The following UBN2 variants were observed in gnomAD, a reference collection of about 807,000 sequenced individuals.
UBN2 encodes the protein ubinuclein-2.
Under a neutral mutation model 120.2 loss-of-function variants are expected in UBN2, and 35 were observed. The observed-to-expected ratio is 0.29, with a 90% CI of 0.22 to 0.39. The LOEUF is 0.39. Ranked by LOEUF, UBN2 falls within the 10% of genes least tolerant of loss-of-function variation. The pLI is 1.00. For missense variants in UBN2, 1,693 were observed against 1,663.2 expected (o/e 1.02, Z -0.31); for synonymous variants, 661 against 648.7 (o/e 1.02, Z -0.29).
intron 13 of UBN2, 103 bp downstream of exon 13, chr7:139,279,463 A>T: frequency 1.2e-6 from 1 of 808,020 alleles, no homozygotes; most frequent in Non-Finnish European, 2.0e-6. Context: ...GTCAGTAGGC[A>T]CTATAAGATA....
chr7:139,327,213 A>G, the UBN2 span, among the ~76,000 whole-genome samples: 1 of 152,030 alleles, frequency 6.6e-6, no homozygotes, highest in Non-Finnish European at 1.5e-5. Flanking sequence ...TTGTATTTTC[A>G]GTAGAGACAG....
At chr7:139,312,984 T>TC (rs1268498208), downstream of UBN2, among the ~76,000 whole-genome samples, 21 of 152,292 alleles carry the variant, frequency 1.4e-4, no homozygotes, top group Non-Finnish European at 2.9e-5. Context: ...TGGGCTCTGT[T>TC]CCATTGTTCT....
At chr7:139,287,790 A>G (rs951958520) in intron 15 of UBN2, among the ~76,000 whole-genome samples, 1 of 151,288 alleles carries the variant, frequency 6.6e-6, no homozygotes, top group Non-Finnish European at 1.5e-5. Flanking sequence ...CGTCTCAATA[A>G]AGTCTTACCA....
chr7:139,286,281 C>A (rs748569975), intron 15 of UBN2, among the ~76,000 whole-genome samples: 16 of 152,106 alleles, frequency 1.1e-4, no homozygotes, highest in Non-Finnish European at 1.3e-4. Context: ...CTGGGCTGGT[C>A]TCAAACTCCT....
intron 2 of UBN2, among the ~76,000 whole-genome samples, chr7:139,239,977 A>G (rs1234127337): frequency 6.6e-6 from 1 of 152,224 alleles, no homozygotes; most frequent in Non-Finnish European, 1.5e-5. Flanking sequence ...GCACTACCTT[A>G]AAGTTAGCAT....
At chr7:139,269,749 G>A (rs1225359648) in intron 8 of UBN2, among the ~76,000 whole-genome samples, 1 of 152,110 alleles carries the variant, frequency 6.6e-6, no homozygotes, top group Non-Finnish European at 1.5e-5. Flanking sequence ...ATTGTTGGAT[G>A]TAAGTTAATA....
chr7:139,261,952 T>C (rs1384105763), intron 6 of UBN2, among the ~76,000 whole-genome samples: 4 of 149,792 alleles, frequency 2.7e-5, no homozygotes, highest in Non-Finnish European at 6.0e-5. Flanking sequence ...TTCTTTCTTT[T>C]TTTTTTTTTT....
the UBN2 span, among the ~76,000 whole-genome samples, chr7:139,328,454 C>T: frequency 1.3e-5 from 2 of 152,172 alleles, no homozygotes; most frequent in South Asian, 2.1e-4. Flanking sequence ...GGTGGGGACA[C>T]AGAGCCAAAC....
intron 13 of UBN2, among the ~76,000 whole-genome samples, chr7:139,280,863 C>G (rs1406329900): frequency 6.6e-6 from 1 of 152,196 alleles, no homozygotes; most frequent in Admixed American, 6.5e-5. Flanking sequence ...TCAGGCTGCT[C>G]TCTAACTCCT....
At chr7:139,252,145 T>A in intron 3 of UBN2, 88 bp downstream of exon 3, 1 of 1,040,316 alleles carries the variant, frequency 9.6e-7, no homozygotes, top group Non-Finnish European at 1.5e-6. Context: ...AATAGTGCAG[T>A]GAATGTTTTT....
At chr7:139,292,581 CAAATT>C (rs1368866292) in intron 15 of UBN2, among the ~76,000 whole-genome samples, 1 of 151,990 alleles carries the variant, frequency 6.6e-6, no homozygotes, top group Non-Finnish European at 1.5e-5. Flanking sequence ...AAAAGGAAGA[CAAATT>C]AGATAGTTGC....
At chr7:139,286,358 C>G (rs1482344358) in intron 15 of UBN2, among the ~76,000 whole-genome samples, 1 of 152,160 alleles carries the variant, frequency 6.6e-6, no homozygotes, top group Non-Finnish European at 1.5e-5. Flanking sequence ...GTCACTGCGC[C>G]GGGCCTATAT....
chr7:139,273,548 G>A (rs1166621651), intron 10 of UBN2, 138 bp downstream of exon 10: 1 of 565,462 alleles, frequency 1.8e-6, no homozygotes. Flanking sequence ...TTCAAGAGAA[G>A]ATTAATTGGG....
At chr7:139,239,551 C>CTTTTTTTT (rs774812960) in intron 2 of UBN2, among the ~76,000 whole-genome samples, 3 of 94,580 alleles carry the variant, frequency 3.2e-5, no homozygotes, top group African/African-American at 9.1e-5. Flanking sequence ...ATTAGAGTGT[C>CTTTTTTTT]TTTTTTTTTT....
rs753672580 is a variant in UBN2 at position 139,283,334 on chromosome 7, T to C, written c.2429T>C (p.Met810Thr). 3 of 1,613,972 alleles carry C rather than the reference T, an allele frequency of 1.9e-6. No individual in the cohort carries two copies. The highest frequency in any genetic ancestry group is 1.7e-5 in the Admixed American group (1 of 59,998). The change falls in exon 15 of 18, where the codon ATG (methionine) becomes ACG (threonine). Residue 810 changes from methionine to threonine, a missense_variant. Physicochemically the swap from Met to Thr is moderately conservative, Grantham distance 81 (BLOSUM62 -1). Coordinates refer to ENST00000473989, the MANE Select transcript of UBN2 (RefSeq NM_173569.4). ...GLREEKLASI[M>T]SKLPLATPKK... ...AGAGAAGAAAAATTAGCAAGTATCA[T>C]GAGTAAGCTGCCACTAGCTACTCCC...
chr7:139,231,557 C>A lies in UBN2; in HGVS notation c.73C>A (p.Pro25Thr). The change falls in exon 1 of 18, where the codon CCC becomes ACC. Residue 25 changes from proline (P) to threonine (T), a missense_variant. This residue lies in a region of UBN2 where 663 missense variants were observed against 591.2 expected (regional missense o/e 1.12). Transcript: ENST00000473989. ...GCGGCGCGAGGCCGAGTACCCGGGGCCCGAGCGTGAGCCCGAGTACCCCCG... is the reference window on the plus strand; with the variant it reads ...GCGGCGCGAGGCCGAGTACCCGGGGACCGAGCGTGAGCCCGAGTACCCCCG... ...VRRREAEYPG[P>T]EREPEYPREP... is the part of the protein sequence containing the mutation. The A allele has an allele frequency of 7.1e-7, 1 of 1,417,952 alleles. No homozygotes were observed. 87.8% of individuals were successfully genotyped at this position (1,417,952 alleles called of 1,614,324 possible).
At chr7:139,274,134 T>C (rs1442870296) in intron 11 of UBN2, 60 bp downstream of exon 11, 1 of 1,479,170 alleles carries the variant, frequency 6.8e-7, no homozygotes, top group Non-Finnish European at 9.0e-7. Flanking sequence ...TTATTAAAGA[T>C]ATACATACAC....
At chr7:139,319,280 G>A in the UBN2 span, among the ~76,000 whole-genome samples, 2 of 151,930 alleles carry the variant, frequency 1.3e-5, no homozygotes, top group East Asian at 3.9e-4. Context: ...ACAGGGTTTC[G>A]CCATGTTGGC....
At position 139,298,779 on chromosome 7, in the gene UBN2, G is replaced by C. The variant is rs992030908; in HGVS notation, c.*943G>C. 4.6e-5 allele frequency: 7 copies of C among 152,060 alleles called. No individual in the cohort carries two copies. The highest frequency in any genetic ancestry group is 8.8e-5 in the Non-Finnish European group (6 of 68,006). The allele number at this position is 152,060 out of a possible 1,614,324, so 9.4% of individuals were successfully genotyped here. A position where few individuals can be genotyped will look rare whatever the true frequency, so the allele number is the denominator to read the frequency against. ...GCAACATAAACTCTAAGTTTCCCCA[G>C]TTCATCTAACTTCACAACTTCTCCT... On this transcript the variant is annotated 3_prime_UTR_variant, in exon 18 of 18. Coordinates refer to ENST00000473989, the MANE Select transcript of UBN2 (RefSeq NM_173569.4).
Sources: gnomAD v4.1 joint callset for allele counts (sites outside exome capture counted in the v4.1 genomes callset) on GRCh38, gnomAD v4.1.1 for gene constraint, gnomAD v4.1.1 regional missense constraint, MANE v1.5 for transcripts, NCBI Gene and HGNC (gene_info 2026-07-23, HGNC 2026-07-21) for gene names.